The following TRPC6 variants were observed in gnomAD, a reference collection of about 807,000 sequenced individuals.
TRPC6 encodes the protein transient receptor potential cation channel subfamily C member 6, also known as short transient receptor potential channel 6.
TRPC6 carries 55 observed loss-of-function variants against 90.7 expected under a neutral mutation model. The observed-to-expected ratio is 0.61, with a 90% CI of 0.49 to 0.76. The LOEUF (loss-of-function observed/expected upper bound fraction) is 0.76. TRPC6 is among the 30% of genes least tolerant of loss of function. The pLI is 0.00. For synonymous variants in TRPC6, 393 were observed against 393.0 expected (o/e 1.00, Z 0.00); for missense variants, 989 against 1,122.7 (o/e 0.88, Z 1.70).
At chr11:101,569,559 A>G (rs1861911462) in intron 1 of TRPC6, among the ~76,000 whole-genome samples, 1 of 152,188 alleles carries the variant, frequency 6.6e-6, no homozygotes, top group South Asian at 2.1e-4. Flanking sequence ...AATCAACAGA[A>G]TATACATTCT....
At chr11:101,503,277 C>T (rs1860174458) in intron 2 of TRPC6, among the ~76,000 whole-genome samples, 2 of 152,270 alleles carry the variant, frequency 1.3e-5, no homozygotes, top group South Asian at 4.1e-4. Context: ...AAGAGATTGA[C>T]TGGTCAAAGT....
intron 6 of TRPC6, among the ~76,000 whole-genome samples, chr11:101,475,506 TCTCCCTTATTATAAGCTTATTACAAG>T (rs1350876845): frequency 1.1e-4 from 16 of 152,228 alleles, no homozygotes; most frequent in African/African-American, 3.9e-4. Context: ...ATACTGTATA[TCTCCCTTATTATAAGCTTATTACAAG>T]CTCCCTTATT....
chr11:101,515,290 G>GT (rs375081141), intron 1 of TRPC6, among the ~76,000 whole-genome samples: 4 of 152,168 alleles, frequency 2.6e-5, no homozygotes, highest in Admixed American at 1.3e-4. Flanking sequence ...GACCTCGTTT[G>GT]TTTTTTTTGT....
At chr11:101,500,184 TA>T (rs1349560048) in intron 2 of TRPC6, among the ~76,000 whole-genome samples, 1 of 148,928 alleles carries the variant, frequency 6.7e-6, no homozygotes, top group Non-Finnish European at 1.5e-5. Flanking sequence ...AGTTAAAATT[TA>T]TTTTTCAAAA....
intron 1 of TRPC6, among the ~76,000 whole-genome samples, chr11:101,577,061 G>A (rs1338397826): frequency 6.6e-6 from 1 of 152,090 alleles, no homozygotes; most frequent in Admixed American, 6.6e-5. Context: ...AGTGGTTGGG[G>A]GAGACGATTA....
chr11:101,456,520 T>C (rs1858886850), intron 10 of TRPC6, among the ~76,000 whole-genome samples: 1 of 152,200 alleles, frequency 6.6e-6, no homozygotes, highest in African/African-American at 2.4e-5. Context: ...CTCTGATTTA[T>C]TTACCATCTA....
At chr11:101,496,813 C>T (rs1859961414) in intron 2 of TRPC6, among the ~76,000 whole-genome samples, 1 of 152,174 alleles carries the variant, frequency 6.6e-6, no homozygotes, top group African/African-American at 2.4e-5. Context: ...CATAGACCTA[C>T]AGTCCTGTGA....
rs10639907 is a variant in TRPC6 at position 101,485,126 on chromosome 11, T to TACACACACACACACACACACAC, written c.1294-1983_1294-1962dup. ...CCCACATATACAGAGGGCCAAAGAA[T>TACACACACACACACACACACAC]ACACACACACACACACACACACACA... On this transcript the variant is annotated intron_variant, in intron 4 of 12. Transcript: ENST00000344327. 9.0e-4 allele frequency among the ~76,000 whole-genome samples: 130 copies of TACACACACACACACACACACAC among 143,942 alleles called. 3 individuals are homozygous for TACACACACACACACACACACAC. The South Asian group carries it at 0.013, about 14-fold the overall frequency. The allele number at this position is 143,942 out of a possible 152,430, so 94.4% of individuals were successfully genotyped here.
intron 2 of TRPC6, among the ~76,000 whole-genome samples, chr11:101,501,553 T>A (rs1485274434): frequency 6.6e-6 from 1 of 152,088 alleles, no homozygotes; most frequent in African/African-American, 2.4e-5. Context: ...AGAGTTAGTG[T>A]CCCAGTAGCC....
At position 101,504,141 on chromosome 11, in the gene TRPC6, G is replaced by A. The variant is rs1860197089; in HGVS notation, c.828C>T (p.Ala276=). ...AAGCCGGACTTGCCAGGCCTTTATA[G>A]GCATTAATCCTAGATCTGGAGTGGC... ...SFSHSRSRIN[A]YKGLASPAYL... Residue 276 remains alanine (A), a synonymous_variant, in exon 2 of 13, where the codon GCC becomes GCT. Coordinates refer to ENST00000344327, the MANE Select transcript of TRPC6 (RefSeq NM_004621.6). 1.2e-6 allele frequency: 2 copies of A among 1,614,104 alleles called. No individual in the cohort carries two copies. The highest frequency in any genetic ancestry group is 1.7e-6 in the Non-Finnish European group (2 of 1,179,968).
At chr11:101,480,226 G>T (rs771467812) in intron 5 of TRPC6, among the ~76,000 whole-genome samples, 6 of 152,000 alleles carry the variant, frequency 3.9e-5, no homozygotes, top group Non-Finnish European at 5.9e-5. Context: ...AGTATGAGGA[G>T]AATAATTTAT....
intron 1 of TRPC6, among the ~76,000 whole-genome samples, chr11:101,546,240 T>G (rs1377735000): frequency 1.8e-5 from 2 of 110,180 alleles, no homozygotes; most frequent in Non-Finnish European, 3.8e-5. Context: ...CCCGGCTAAT[T>G]TTTTTGTATT....
intron 1 of TRPC6, among the ~76,000 whole-genome samples, chr11:101,536,976 T>A (rs1267739322): frequency 6.6e-6 from 1 of 152,092 alleles, no homozygotes; most frequent in East Asian, 1.9e-4. Flanking sequence ...CTTGGAAAGG[T>A]AGAATTGATA....
intron 1 of TRPC6, among the ~76,000 whole-genome samples, chr11:101,553,890 T>C (rs747757356): frequency 6.6e-5 from 10 of 151,910 alleles, no homozygotes; most frequent in Non-Finnish European, 1.5e-4. Flanking sequence ...AATGAGACAA[T>C]TGAAAGAAAA....
At chr11:101,471,709 C>T (rs140988437) in intron 8 of TRPC6, among the ~76,000 whole-genome samples, 309 of 152,236 alleles carry the variant, frequency 2.0e-3, no homozygotes, top group African/African-American at 7.3e-3. Context: ...ATATACCACT[C>T]ATTTATTTGG....
At chr11:101,456,983 T>A (rs1415469700) in intron 10 of TRPC6, among the ~76,000 whole-genome samples, 1 of 152,162 alleles carries the variant, frequency 6.6e-6, no homozygotes, top group African/African-American at 2.4e-5. Context: ...TGCAAGGAAG[T>A]ATTATTACCA....
chr11:101,509,136 C>T (rs7941212), intron 1 of TRPC6, among the ~76,000 whole-genome samples: 897 of 47,770 alleles, frequency 0.019, 8 homozygotes, highest in Non-Finnish European at 0.024. Context: ...TTGTCTTTTT[C>T]TTTTTTTTTT....
chr11:101,547,082 T>G (rs7119370), intron 1 of TRPC6, among the ~76,000 whole-genome samples: 15,578 of 151,928 alleles, frequency 0.1, 904 homozygotes, highest in Middle Eastern at 0.14. Flanking sequence ...CAGAAAGAGG[T>G]CCATGGGAAT....
intron 1 of TRPC6, among the ~76,000 whole-genome samples, chr11:101,555,171 A>T (rs1861534058): frequency 6.6e-6 from 1 of 152,204 alleles, no homozygotes; most frequent in Non-Finnish European, 1.5e-5. Context: ...AGATGATTAT[A>T]CAACTAAATC....
Sources: gnomAD v4.1 joint callset for allele counts (sites outside exome capture counted in the v4.1 genomes callset) on GRCh38, gnomAD v4.1.1 for gene constraint, MANE v1.5 for transcripts, NCBI Gene and HGNC (gene_info 2026-07-23, HGNC 2026-07-21) for gene names.